RNMT: variants seen among roughly 807,000 people sequenced by gnomAD.
RNMT encodes mRNA cap guanine-N(7) methyltransferase.
Under a neutral mutation model 56.0 loss-of-function variants are expected in RNMT, and 27 were observed. The ratio of observed to expected loss-of-function variants is 0.48; its 90% CI spans 0.36 to 0.67. RNMT has a LOEUF of 0.67. Among genes scored for constraint, RNMT ranks in the 30% least tolerant of loss-of-function variants. RNMT has a pLI of 0.00. For missense variants in RNMT, 519 were observed against 552.1 expected (o/e 0.94, Z 0.60); for synonymous variants, 184 against 176.2 (o/e 1.04, Z -0.35).
At chr18:13,728,072 C>T (rs1045657200) in intron 1 of RNMT, among the ~76,000 whole-genome samples, 6 of 152,024 alleles carry the variant, frequency 3.9e-5, no homozygotes, top group South Asian at 2.1e-4. Flanking sequence ...ACTGATTTCC[C>T]TTCTTTTGGA....
intron 10 of RNMT, among the ~76,000 whole-genome samples, chr18:13,753,625 G>A (rs979271032): frequency 6.6e-6 from 1 of 151,524 alleles, no homozygotes; most frequent in Non-Finnish European, 1.5e-5. Flanking sequence ...CAAAAAGTTA[G>A]CTAGGCGTGG....
In RNMT at chr18:13,732,001, G is replaced by A; in HGVS notation, c.417+67G>A. 2.4e-6 allele frequency: 3 copies of A among 1,272,466 alleles called. No homozygotes were observed. The South Asian group carries it at 4.6e-5, about 19-fold the overall frequency. 78.8% of individuals were successfully genotyped at this position (1,272,466 alleles called of 1,614,324 possible). ...AAGTTTGAAATGTGGAACACCCGTG[G>A]ATTCATACTGGTTTTTACATAATAG... On this transcript the variant is annotated intron_variant, in intron 3 of 11. Transcript: ENST00000383314.
chr18:13,754,062 G>A lies in RNMT; in HGVS notation c.1360-52G>A, dbSNP rs2044502003. 6 of 1,021,986 alleles carry A rather than the reference G, an allele frequency of 5.9e-6. 1 individual carries two copies. The South Asian group carries it at 8.1e-5, about 14-fold the overall frequency. 63.3% of individuals were successfully genotyped at this position (1,021,986 alleles called of 1,614,324 possible). ...GCCCATTATTTAGAAATAAGCATATGTTTACTTCCATATTGAATCTAAAAT... is the reference window on the plus strand; with the variant it reads ...GCCCATTATTTAGAAATAAGCATATATTTACTTCCATATTGAATCTAAAAT... On this transcript the variant is annotated intron_variant, in intron 10 of 11. Transcript: ENST00000383314.
chr18:13,743,459 A>G (rs956859151), intron 8 of RNMT, among the ~76,000 whole-genome samples: 1 of 152,140 alleles, frequency 6.6e-6, no homozygotes, highest in African/African-American at 2.4e-5. Context: ...CTCACAGGCA[A>G]TGTTGATGAT....
intron 6 of RNMT, among the ~76,000 whole-genome samples, chr18:13,740,904 AATTT>A (rs1345478894): frequency 7.9e-5 from 12 of 152,186 alleles, no homozygotes; most frequent in Non-Finnish European, 1.6e-4. Context: ...TTCACCTTGT[AATTT>A]ATTAGTTTCC....
In RNMT at chr18:13,741,505, T is replaced by C. The variant is rs756763976; in HGVS notation, c.793-5T>C. ...ACAATCTTAACTCATTTTAATTTGTTTCAGGAACTTCTGATTGACAAATTT... is the reference window on the plus strand; with the variant it reads ...ACAATCTTAACTCATTTTAATTTGTCTCAGGAACTTCTGATTGACAAATTT... On this transcript the variant is annotated splice_region_variant and splice_polypyrimidine_tract_variant and intron_variant, in intron 6 of 11. Coordinates refer to ENST00000383314, the MANE Select transcript of RNMT (RefSeq NM_003799.3). The C allele has an allele frequency of 6.2e-7, 1 of 1,607,264 alleles. No individual in the cohort carries two copies. The highest frequency in any genetic ancestry group is 8.5e-7 in the Non-Finnish European group (1 of 1,176,286).
At chr18:13,746,793 C>G (rs572478010) in intron 9 of RNMT, among the ~76,000 whole-genome samples, 1 of 152,222 alleles carries the variant, frequency 6.6e-6, no homozygotes. Flanking sequence ...CAGTTCTTTA[C>G]AACAGTGCCT....
rs1024020944 is a variant in RNMT, at chr18:13,762,398, A to G, written c.*2419A>G. 12 of 466,534 alleles carry G rather than the reference A, an allele frequency of 2.6e-5. No individual in the cohort carries two copies. The highest frequency in any genetic ancestry group is 8.1e-5 in the African/African-American group (4 of 49,528). The allele number at this position is 466,534 out of a possible 1,614,324, so 28.9% of individuals were successfully genotyped here. A position where few individuals can be genotyped will look rare whatever the true frequency, so the allele number is the denominator to read the frequency against. ...GTTCTAACCTGTGGAAAGTATTGCA[A>G]TTCTGTGAGAGTGACTCTGCAGAGT... On this transcript the variant is annotated 3_prime_UTR_variant, in exon 12 of 12. Transcript: ENST00000383314.
At chr18:13,744,764 C>T (rs533864909) in intron 8 of RNMT, among the ~76,000 whole-genome samples, 2 of 152,276 alleles carry the variant, frequency 1.3e-5, no homozygotes, top group East Asian at 3.9e-4. Flanking sequence ...ACCCTGTACA[C>T]GAGCCTTCCC....
At chr18:13,753,728 G>A (rs1355187887) in intron 10 of RNMT, among the ~76,000 whole-genome samples, 1 of 149,918 alleles carries the variant, frequency 6.7e-6, no homozygotes, top group Non-Finnish European at 1.5e-5. Flanking sequence ...CCAAGATCAC[G>A]CCACTGCCCT....
chr18:13,735,800 C>T, intron 4 of RNMT, among the ~76,000 whole-genome samples: 1 of 152,082 alleles, frequency 6.6e-6, no homozygotes, highest in South Asian at 2.1e-4. Flanking sequence ...TTGGCATATA[C>T]AGGGTATTCT....
Position 13,731,480 on chromosome 18 carries a change from G to T in RNMT, c.-38G>T. ...CCAATTTTTTTCCTATTCTAGTGTT[G>T]GTTCATGAAGTTTTACCATCAATTC... On this transcript the variant is annotated 5_prime_UTR_variant, in exon 3 of 12. Coordinates refer to ENST00000383314, the MANE Select transcript of RNMT (RefSeq NM_003799.3). 1 of 1,508,100 alleles carries T rather than the reference G, an allele frequency of 6.6e-7. No homozygotes were observed. The highest frequency in any genetic ancestry group is 8.9e-7 in the Non-Finnish European group (1 of 1,117,398). The allele number at this position is 1,508,100 out of a possible 1,614,324, so 93.4% of individuals were successfully genotyped here.
rs1332765490 is a variant in RNMT at position 13,762,197 on chromosome 18, G to A, written c.*2218G>A. On this transcript the variant is annotated 3_prime_UTR_variant, in exon 12 of 12. Transcript: ENST00000383314. Reference sequence around the variant, plus strand: ...GAAATGAAGACCTAACCAGCTATTGGTGGGAATGACGGAACTGGGGATTGC... The same window carrying A: ...GAAATGAAGACCTAACCAGCTATTGATGGGAATGACGGAACTGGGGATTGC... 1.3e-6 allele frequency: 2 copies of A among 1,503,482 alleles called. No individual in the cohort carries two copies. The highest frequency in any genetic ancestry group is 1.3e-5 in the South Asian group (1 of 77,430). The allele number at this position is 1,503,482 out of a possible 1,614,324, so 93.1% of individuals were successfully genotyped here.
intron 5 of RNMT, 97 bp downstream of exon 5, chr18:13,737,232 A>G (rs958059077): frequency 9.1e-7 from 1 of 1,103,706 alleles, no homozygotes; most frequent in African/African-American, 1.6e-5. Flanking sequence ...GGGACTATGC[A>G]TGAGATGGGT....
chr18:13,731,964 A>G, intron 3 of RNMT, 30 bp downstream of exon 3: 2 of 1,526,568 alleles, frequency 1.3e-6, no homozygotes, highest in Non-Finnish European at 1.8e-6. Context: ...ATTTATTCAT[A>G]ATAGAATATG....
chr18:13,742,919 C>A, intron 8 of RNMT: 1 of 254,176 alleles, frequency 3.9e-6, no homozygotes, highest in Non-Finnish European at 7.3e-6. Context: ...AAAAAGGGAA[C>A]CAGTTGCCTT....
chr18:13,727,175 C>A (rs915545218), intron 1 of RNMT, among the ~76,000 whole-genome samples: 1 of 152,242 alleles, frequency 6.6e-6, no homozygotes, highest in Non-Finnish European at 1.5e-5. Context: ...GAGGGTCAAG[C>A]GGGCGGGTCG....
In RNMT at chr18:13,737,116, T is replaced by G. The variant is rs779678503; in HGVS notation, c.660T>G (p.Ile220Met). Reference sequence around the variant, plus strand: ...TGCTGAAATGGAAAAAAGGAAGAATTAACAAGCTAGTTTGTACTGGTAAGA... The same window carrying G: ...TGCTGAAATGGAAAAAAGGAAGAATGAACAAGCTAGTTTGTACTGGTAAGA... The part of the protein sequence containing the change: ...GDLLKWKKGR[I>M]NKLVCTDIAD... The change falls in exon 5 of 12, where the codon ATT becomes ATG. Residue 220 changes from isoleucine to methionine, a missense_variant. Ile to Met is a conservative substitution (Grantham distance 10). Coordinates refer to ENST00000383314, the MANE Select transcript of RNMT (RefSeq NM_003799.3). 1 of 1,610,198 alleles carries G rather than the reference T, an allele frequency of 6.2e-7. No individual in the cohort carries two copies. Among genetic ancestry groups the G allele is most frequent in the South Asian group, 1.1e-5 (1 of 90,862 alleles).
rs941716555 is a variant in RNMT at position 13,762,060 on chromosome 18, G to A, written c.*2081G>A. On this transcript the variant is annotated 3_prime_UTR_variant, in exon 12 of 12. Transcript: ENST00000383314. ...TCAGGACTTACGGTAACTATTATGA[G>A]GGAGGCATGGCTTTCCACCGTCGGG... The A allele has an allele frequency of 1.3e-6, 2 of 1,536,058 alleles. No individual in the cohort carries two copies. The highest frequency in any genetic ancestry group is 1.7e-6 in the Non-Finnish European group (2 of 1,146,876).
Sources: gnomAD v4.1 joint callset for allele counts (sites outside exome capture counted in the v4.1 genomes callset) on GRCh38, gnomAD v4.1.1 for gene constraint, MANE v1.5 for transcripts, NCBI Gene and HGNC (gene_info 2026-07-23, HGNC 2026-07-21) for gene names.